IRS2: variants seen among roughly 807,000 people sequenced by gnomAD.
IRS2 encodes insulin receptor substrate 2.
IRS2 carries 28 observed loss-of-function variants against 70.9 expected under a neutral mutation model. The observed-to-expected ratio is 0.39, with a 90% CI of 0.29 to 0.54. IRS2 has a LOEUF of 0.54. Ranked by LOEUF, IRS2 falls within the 20% of genes least tolerant of loss-of-function variation. The pLI, the probability that IRS2 is intolerant of heterozygous loss-of-function variation, is 0.59. For missense variants in IRS2, 2,081 were observed against 2,024.1 expected, an observed-to-expected ratio of 1.03 and a Z score of -0.54; for synonymous variants, 1,217 against 981.9, an observed-to-expected ratio of 1.24 and a Z score of -4.48.
intron 1 of IRS2, among the ~76,000 whole-genome samples, chr13:109,768,011 G>A (rs1443481348): frequency 1.3e-5 from 2 of 152,166 alleles, no homozygotes; most frequent in South Asian, 2.1e-4. Flanking sequence ...GATCACAGGC[G>A]TGAGCCACCG....
At position 109,783,078 on chromosome 13, in the gene IRS2, G is replaced by T. The variant is rs746210276; in HGVS notation, c.2976C>A (p.Gly992=). The T allele has an allele frequency of 7.2e-7, 1 of 1,382,522 alleles. No homozygotes were observed. The allele number at this position is 1,382,522 out of a possible 1,614,324, so 85.6% of individuals were successfully genotyped here. A position where few individuals can be genotyped will look rare whatever the true frequency, so the allele number is the denominator to read the frequency against. The change falls in exon 1 of 2, where the codon GGC becomes GGA. Residue 992 remains glycine, a synonymous_variant. Coordinates refer to ENST00000375856, the MANE Select transcript of IRS2 (RefSeq NM_003749.3). ...AGCCCACGGGGTGGCCGCTCGGGGC[G>T]CCCGGCTTAGGAGACTTGGGGGAGC... ...DFSSPKSPKP[G]APSGHPVGSL... is the part of the protein sequence containing the mutation.
chr13:109,778,498 T>C (rs1466608191), intron 1 of IRS2, among the ~76,000 whole-genome samples: 4 of 152,216 alleles, frequency 2.6e-5, no homozygotes, highest in Non-Finnish European at 5.9e-5. Flanking sequence ...TGTCTTATTA[T>C]GGCCAGAGCC....
In IRS2 at chr13:109,785,739, G is replaced by A. The variant is rs755478723; in HGVS notation, c.315C>T (p.Ala105=). ...CGATCAGGTACTTGTGCTTGGCGTCGGCGCGCTTGTTGATGTTCAGGCAGC... is the reference window on the plus strand; with the variant it reads ...CGATCAGGTACTTGTGCTTGGCGTCAGCGCGCTTGTTGATGTTCAGGCAGC... The part of the protein sequence containing the change: ...LDCCLNINKR[A]DAKHKYLIAL... Residue 105 remains alanine (A), a synonymous_variant, in exon 1 of 2, where the codon GCC becomes GCT. Transcript: ENST00000375856. This position sits in a 1 kb window ranked among gnomAD's most constrained non-coding sequence, Gnocchi z 9.3. The A allele has an allele frequency of 5.2e-5, 83 of 1,597,640 alleles. No homozygotes were observed. Among genetic ancestry groups the A allele is most frequent in the South Asian group, 1.8e-4 (16 of 90,542 alleles).
In IRS2 at chr13:109,782,399, G is replaced by A. The variant is rs2138929623; in HGVS notation, c.3655C>T (p.Pro1219Ser). Reference sequence around the variant, plus strand: ...CCCCCGGGCTGACCCGGGGTCCACGGCCGGCCCTGCGGTGCCAAAGGGGGC... The same window carrying A: ...CCCCCGGGCTGACCCGGGGTCCACGACCGGCCCTGCGGTGCCAAAGGGGGC... ...PAPPLAPQGR[P>S]WTPGQPGGLV... The change falls in exon 1 of 2, where the codon CCG (proline) becomes TCG (serine). Residue 1219 changes from proline to serine, a missense_variant. This residue lies in a region of IRS2 where 1,615 missense variants were observed against 1,459.5 expected (regional missense o/e 1.11). Transcript: ENST00000375856. 6.2e-7 allele frequency: 1 copy of A among 1,606,814 alleles called. No homozygotes were observed. The highest frequency in any genetic ancestry group is 8.5e-7 in the Non-Finnish European group (1 of 1,177,160).
At chr13:109,758,874 C>T (rs4562941) in intron 1 of IRS2, among the ~76,000 whole-genome samples, 5 of 108,914 alleles carry the variant, frequency 4.6e-5, no homozygotes, top group African/African-American at 7.3e-5. Context: ...GAAGGGCAAG[C>T]GGAAGAGGAA....
chr13:109,772,502 T>G (rs1487391924), intron 1 of IRS2, among the ~76,000 whole-genome samples: 1 of 152,146 alleles, frequency 6.6e-6, no homozygotes, highest in East Asian at 1.9e-4. Flanking sequence ...GCAAAACTGC[T>G]TTCCTGCTTT....
At position 109,782,216 on chromosome 13, in the gene IRS2, C is replaced by T; in HGVS notation, c.3838G>A (p.Asp1280Asn). 3 of 1,607,532 alleles carry T rather than the reference C, an allele frequency of 1.9e-6. No individual in the cohort carries two copies. Among genetic ancestry groups the T allele is most frequent in the Non-Finnish European group, 2.5e-6 (3 of 1,177,202 alleles). The change falls in exon 1 of 2, where the codon GAC becomes AAC. Residue 1280 changes from aspartate to asparagine, a missense_variant. Asp to Asn is a conservative substitution (Grantham distance 23). This residue lies in a region of IRS2 where 1,615 missense variants were observed against 1,459.5 expected (regional missense o/e 1.11). Transcript: ENST00000375856. ...CGGGTCCGGCCCCAGGAGCTCTTGT[C>T]TCCCGGCTGAGGAAGCGGCGGCGGC... ...PPPPPLPQPGDKSSWGRTRSL... is the reference protein window; with the variant it reads ...PPPPPLPQPGNKSSWGRTRSL...
rs1166002006 is a variant in IRS2 at position 109,785,894 on chromosome 13, C to G, written c.160G>C (p.Gly54Arg). ...GCCGTCGCCTCGTCGCCGCCCGCGC[C>G]GGGTCCGCGCAGCACGAAGAAGCGC... is the stretch of plus-strand genomic sequence containing the variant. ...HKRFFVLRGP[G>R]AGGDEATAGG... is the part of the protein sequence containing the mutation. The change falls in exon 1 of 2, where the codon GGC becomes CGC. Residue 54 changes from glycine to arginine, a missense_variant. Physicochemically the swap from Gly to Arg is moderately radical, Grantham distance 125. Coordinates refer to ENST00000375856, the MANE Select transcript of IRS2 (RefSeq NM_003749.3). This position sits in a 1 kb window ranked among gnomAD's most constrained non-coding sequence, Gnocchi z 9.3. 6.7e-7 allele frequency: 1 copy of G among 1,487,610 alleles called. No individual in the cohort carries two copies. The highest frequency in any genetic ancestry group is 8.9e-7 in the Non-Finnish European group (1 of 1,127,348). 92.2% of individuals were successfully genotyped at this position (1,487,610 alleles called of 1,614,324 possible).
intron 1 of IRS2, among the ~76,000 whole-genome samples, chr13:109,764,673 C>A (rs1431430182): frequency 6.6e-6 from 1 of 152,178 alleles, no homozygotes; most frequent in East Asian, 1.9e-4. Flanking sequence ...GCTCCTCCCA[C>A]CCTTATGTTC....
chr13:109,761,085 G>A (rs74789436), intron 1 of IRS2, among the ~76,000 whole-genome samples: 6,456 of 152,234 alleles, frequency 0.042, 166 homozygotes, highest in Admixed American at 0.056. Flanking sequence ...GTTACATTTC[G>A]ATGTTCAAAA....
At position 109,785,858 on chromosome 13, in the gene IRS2, AC is replaced by A; in HGVS notation, c.195del (p.Ser66ArgfsTer27). ...AGGDEATAGGGSAPQPPRLEY... is the reference protein window; with the variant it reads ...AGGDEATAGGXSAPQPPRLEY... ...TCGAGCCGCGGCGGTTGCGGCGCCG[AC>A]CCCCCGCCCGCCGTCGCCTCGTCGC... On this transcript the variant is annotated frameshift_variant, in exon 1 of 2. Transcript: ENST00000375856. LOFTEE classifies it high-confidence loss of function. This position sits in a 1 kb window ranked among gnomAD's most constrained non-coding sequence, Gnocchi z 9.3. 7 of 1,500,710 alleles carry A rather than the reference AC, an allele frequency of 4.7e-6. No individual in the cohort carries two copies. Among genetic ancestry groups the A allele is most frequent in the Admixed American group, 4.2e-5 (2 of 47,776 alleles). The allele number at this position is 1,500,710 out of a possible 1,614,324, so 93.0% of individuals were successfully genotyped here.
intron 1 of IRS2, among the ~76,000 whole-genome samples, chr13:109,767,607 A>T (rs1211824757): frequency 1.3e-5 from 2 of 152,126 alleles, no homozygotes; most frequent in African/African-American, 4.8e-5. Context: ...CTGAGGATCA[A>T]GCAGATGCGT....
intron 1 of IRS2, among the ~76,000 whole-genome samples, chr13:109,769,509 G>A (rs973422195): frequency 1.3e-5 from 2 of 152,228 alleles, no homozygotes; most frequent in South Asian, 4.1e-4. Context: ...CATCCCCTTT[G>A]CCTACTTGGA....
intron 1 of IRS2, among the ~76,000 whole-genome samples, chr13:109,768,050 T>C (rs367673117): frequency 3.9e-5 from 6 of 152,214 alleles, no homozygotes; most frequent in Non-Finnish European, 7.3e-5. Flanking sequence ...CATTTAAACA[T>C]TTCTAGTTAC....
intron 1 of IRS2, among the ~76,000 whole-genome samples, chr13:109,772,339 C>T (rs537248638): frequency 3.3e-5 from 5 of 152,110 alleles, no homozygotes; most frequent in South Asian, 2.1e-4. Flanking sequence ...GGCTTCTGGC[C>T]GATTCATGAA....
intron 1 of IRS2, among the ~76,000 whole-genome samples, chr13:109,764,750 C>T (rs763756441): frequency 6.6e-6 from 1 of 152,208 alleles, no homozygotes; most frequent in Non-Finnish European, 1.5e-5. Flanking sequence ...CTTCCTCGTT[C>T]AAAATTGTAT....
chr13:109,782,436 C>T lies in IRS2; in HGVS notation c.3618G>A (p.Gln1206=), dbSNP rs1424611721. 1 of 1,588,776 alleles carries T rather than the reference C, an allele frequency of 6.3e-7. No individual in the cohort carries two copies. The highest frequency in any genetic ancestry group is 8.6e-7 in the Non-Finnish European group (1 of 1,167,428). ...GGDEPPTSPR[Q]LQPAPPLAPQ... Reference sequence around the variant, plus strand: ...GTGCCAAAGGGGGCGCCGGCTGCAACTGTCGTGGGGAGGTGGGCGGCTCGT... The same window carrying T: ...GTGCCAAAGGGGGCGCCGGCTGCAATTGTCGTGGGGAGGTGGGCGGCTCGT... The change falls in exon 1 of 2, where the codon CAG becomes CAA. Residue 1206 remains glutamine (Q), a synonymous_variant. Transcript: ENST00000375856.
chr13:109,763,825 G>C (rs893224061), intron 1 of IRS2, among the ~76,000 whole-genome samples: 2 of 152,166 alleles, frequency 1.3e-5, no homozygotes, highest in Non-Finnish European at 2.9e-5. Flanking sequence ...GCCAAATTAA[G>C]AGAATGTAGA....
At chr13:109,767,717 G>A (rs529469244) in intron 1 of IRS2, among the ~76,000 whole-genome samples, 5 of 148,332 alleles carry the variant, frequency 3.4e-5, no homozygotes, top group South Asian at 4.2e-4. Flanking sequence ...AAATCAGCTC[G>A]ACCATTTTTC....
Sources: allele counts gnomAD v4.1 joint callset (sites outside exome capture counted in the v4.1 genomes callset), GRCh38; gene constraint gnomAD v4.1.1; regional missense constraint gnomAD v4.1.1; non-coding constraint Gnocchi (gnomAD v3.1); transcripts MANE v1.5; gene names NCBI Gene and HGNC (gene_info 2026-07-23, HGNC 2026-07-21).